PCDHGA1: variants seen among roughly 807,000 people sequenced by gnomAD.
PCDHGA1 encodes protocadherin gamma subfamily A, 1.
In PCDHGA1, 32 loss-of-function variants were observed where a neutral mutation model predicts 58.0. That is an observed-to-expected ratio of 0.55 (90% CI 0.42 to 0.74). The LOEUF (loss-of-function observed/expected upper bound fraction) is 0.74. Ranked by LOEUF, PCDHGA1 falls within the 30% of genes least tolerant of loss-of-function variation. The probability of loss-of-function intolerance (pLI) is 0.00; values close to 1 mark genes in which losing one functional copy is unlikely to be tolerated. For synonymous variants in PCDHGA1, 498 were observed against 501.1 expected, an observed-to-expected ratio of 0.99 and a Z score of 0.08; for missense variants, 1,205 against 1,182.3, an observed-to-expected ratio of 1.02 and a Z score of -0.28.
At chr5:141,389,169 C>T in intron 1 of PCDHGA1, 2 of 1,614,028 alleles carry the variant, frequency 1.2e-6, no homozygotes, top group Non-Finnish European at 1.7e-6. Context: ...GGGCAAGCCT[C>T]CCCTCTCCTC....
At chr5:141,375,133 A>G in intron 1 of PCDHGA1, 2 of 1,613,958 alleles carry the variant, frequency 1.2e-6, no homozygotes, top group Non-Finnish European at 1.7e-6. Flanking sequence ...TGGTTGTTAC[A>G]TCTGGAAGCA....
chr5:141,361,824 G>C (rs1285016518), intron 1 of PCDHGA1: 2 of 1,612,886 alleles, frequency 1.2e-6, no homozygotes, highest in Non-Finnish European at 1.7e-6. Context: ...CACGGGTGCT[G>C]TACCCCGCGC....
chr5:141,442,870 T>A (rs942975420), intron 1 of PCDHGA1, among the ~76,000 whole-genome samples: 1 of 152,192 alleles, frequency 6.6e-6, no homozygotes, highest in African/African-American at 2.4e-5. Flanking sequence ...AGATGTAAAT[T>A]TACAACTCAG....
At chr5:141,408,280 C>A in intron 1 of PCDHGA1, 4 of 1,612,648 alleles carry the variant, frequency 2.5e-6, no homozygotes, top group Non-Finnish European at 3.4e-6. Context: ...CTTTGTTCTA[C>A]CCCACCCTGA....
intron 1 of PCDHGA1, among the ~76,000 whole-genome samples, chr5:141,402,640 T>G (rs1180615388): frequency 1.3e-5 from 2 of 152,232 alleles, no homozygotes; most frequent in East Asian, 3.8e-4. Flanking sequence ...TCTAAAATCA[T>G]AATTAGAAGA....
chr5:141,360,170 G>T (rs72790010), intron 1 of PCDHGA1: 2 of 1,607,748 alleles, frequency 1.2e-6, no homozygotes, highest in Non-Finnish European at 1.7e-6. Context: ...GGGCTGGTGC[G>T]GTGGCTGCAG....
At chr5:141,371,932 TG>T (rs1268806943) in intron 1 of PCDHGA1, 1 of 1,612,998 alleles carries the variant, frequency 6.2e-7, no homozygotes, top group South Asian at 1.1e-5. Context: ...CGGAGCGGGG[TG>T]GTGTTCGCGC....
intron 1 of PCDHGA1, chr5:141,387,783 C>A: frequency 6.8e-7 from 1 of 1,467,932 alleles, no homozygotes; most frequent in Non-Finnish European, 9.1e-7. Context: ...TGAACTGGAA[C>A]TGCAACTAAA....
At chr5:141,408,836 T>G in intron 1 of PCDHGA1, 1 of 1,613,680 alleles carries the variant, frequency 6.2e-7, no homozygotes, top group Non-Finnish European at 8.5e-7. Context: ...TAGCTTGATA[T>G]TGACTGCCTT....
At chr5:141,384,808 G>A in intron 1 of PCDHGA1, 3 of 1,613,484 alleles carry the variant, frequency 1.9e-6, no homozygotes, top group Non-Finnish European at 2.5e-6. Flanking sequence ...GGACAGAGAT[G>A]CCCTCAAGCA....
At chr5:141,399,854 G>A (rs747617678) in intron 1 of PCDHGA1, 6 of 1,612,786 alleles carry the variant, frequency 3.7e-6, no homozygotes, top group Non-Finnish European at 5.1e-6. Context: ...ATGGTGCCGC[G>A]CGCTGCAGAG....
chr5:141,366,945 A>G, intron 1 of PCDHGA1: 2 of 763,980 alleles, frequency 2.6e-6, no homozygotes, highest in East Asian at 5.7e-5. Flanking sequence ...TCTAGCTGAT[A>G]TCTGTAGACT....
chr5:141,347,720 G>A (rs1466782410), intron 1 of PCDHGA1, among the ~76,000 whole-genome samples: 1 of 151,346 alleles, frequency 6.6e-6, no homozygotes, highest in Non-Finnish European at 1.5e-5. Context: ...CCAGGAGGCA[G>A]AAGTTGCAGA....
chr5:141,386,155 C>G (rs763846568), intron 1 of PCDHGA1, among the ~76,000 whole-genome samples: 1 of 152,160 alleles, frequency 6.6e-6, no homozygotes, highest in Non-Finnish European at 1.5e-5. Flanking sequence ...AACTGTCTCA[C>G]GTACTCAAAC....
intron 1 of PCDHGA1, chr5:141,345,089 C>T (rs780908329): frequency 1.9e-6 from 3 of 1,613,968 alleles, no homozygotes; most frequent in Admixed American, 3.3e-5. Context: ...TCACGTCTCT[C>T]ACAAGCTCAG....
chr5:141,410,629 C>A (rs1393614526), intron 1 of PCDHGA1: 1 of 1,601,482 alleles, frequency 6.2e-7, no homozygotes, highest in East Asian at 2.2e-5. Context: ...CGGTGAGTTT[C>A]TCTTTTTTGT....
At chr5:141,442,947 C>T (rs185574624) in intron 1 of PCDHGA1, among the ~76,000 whole-genome samples, 92 of 152,282 alleles carry the variant, frequency 6.0e-4, no homozygotes, top group African/African-American at 1.7e-3. Flanking sequence ...AACTTCCTCT[C>T]ACTGCAAAAA....
chr5:141,360,870 C>A (rs972403699), intron 1 of PCDHGA1: 24 of 1,613,872 alleles, frequency 1.5e-5, no homozygotes, highest in African/African-American at 2.7e-5. Flanking sequence ...TCAGCCAGGA[C>A]GTGTACAGGG....
intron 1 of PCDHGA1, among the ~76,000 whole-genome samples, chr5:141,401,128 G>C (rs1271194736): frequency 6.6e-6 from 1 of 152,166 alleles, no homozygotes; most frequent in African/African-American, 2.4e-5. Context: ...TGGATCACAT[G>C]GTCAGGAGTT....
Sources: gnomAD v4.1 joint callset for allele counts (sites outside exome capture counted in the v4.1 genomes callset) on GRCh38, gnomAD v4.1.1 for gene constraint, MANE v1.5 for transcripts, NCBI Gene and HGNC (gene_info 2026-07-23, HGNC 2026-07-21) for gene names.